PSPC1: variants seen among roughly 807,000 people sequenced by gnomAD.
The protein encoded by PSPC1 is paraspeckle protein 1.
In PSPC1, 14 loss-of-function variants were observed where a neutral mutation model predicts 51.6. The observed-to-expected ratio is 0.27, with a 90% CI of 0.18 to 0.42. PSPC1 has a LOEUF of 0.42. PSPC1 is among the 10% of genes least tolerant of loss of function. The pLI, the probability that PSPC1 is intolerant of heterozygous loss-of-function variation, is 1.00. For synonymous variants in PSPC1, 193 were observed against 231.9 expected (o/e 0.83, Z 1.53); for missense variants, 406 against 701.1 (o/e 0.58, Z 4.75).
chr13:19,723,403 C>T (rs948639184), intron 6 of PSPC1, among the ~76,000 whole-genome samples: 2 of 152,110 alleles, frequency 1.3e-5, no homozygotes, highest in African/African-American at 4.8e-5. Flanking sequence ...AATGATAAAA[C>T]ACAGAAAACC....
chr13:19,775,918 G>C (rs946158899), intron 1 of PSPC1, among the ~76,000 whole-genome samples: 2 of 152,160 alleles, frequency 1.3e-5, no homozygotes, highest in Non-Finnish European at 2.9e-5. Flanking sequence ...GGACGTGGCA[G>C]TGTGCGCCTG....
At chr13:19,683,510 T>C (rs1225891126) in intron 6 of PSPC1, among the ~76,000 whole-genome samples, 1 of 152,198 alleles carries the variant, frequency 6.6e-6, no homozygotes, top group Non-Finnish European at 1.5e-5. Flanking sequence ...TGACGCAGGA[T>C]GGACTGACTA....
At chr13:19,703,619 C>T (rs1328509759) in intron 8 of PSPC1, among the ~76,000 whole-genome samples, 3 of 151,986 alleles carry the variant, frequency 2.0e-5, no homozygotes, top group South Asian at 2.1e-4. Flanking sequence ...GAACTGATTT[C>T]GTGACAGAAG....
At chr13:19,682,486 CAAAAA>C (rs138769031) in intron 6 of PSPC1, among the ~76,000 whole-genome samples, 28 of 98,606 alleles carry the variant, frequency 2.8e-4, no homozygotes, top group South Asian at 6.4e-4. Flanking sequence ...GGCTGAATGG[CAAAAA>C]AAAAAAAAAA....
chr13:19,749,379 G>C (rs1213383284), intron 4 of PSPC1, among the ~76,000 whole-genome samples: 1 of 151,564 alleles, frequency 6.6e-6, no homozygotes, highest in Non-Finnish European at 1.5e-5. Context: ...AATTAGCTGG[G>C]CGTGGTAGCA....
chr13:19,699,265 T>C (rs914993350), downstream of PSPC1: 2 of 151,874 alleles, frequency 1.3e-5, no homozygotes, highest in African/African-American at 4.8e-5. Flanking sequence ...ATCTCAGCTT[T>C]TGGTATTTAA....
chr13:19,750,315 C>T (rs1886403051), intron 4 of PSPC1, among the ~76,000 whole-genome samples: 1 of 151,856 alleles, frequency 6.6e-6, no homozygotes, highest in Admixed American at 6.6e-5. Flanking sequence ...GCCTGTAATC[C>T]CAGCTACTCG....
intron 4 of PSPC1, among the ~76,000 whole-genome samples, chr13:19,742,632 G>A (rs1339465367): frequency 2.0e-5 from 3 of 152,056 alleles, no homozygotes; most frequent in Non-Finnish European, 2.9e-5. Flanking sequence ...CCAGCTACTC[G>A]GGAGATTGAG....
intron 6 of PSPC1, among the ~76,000 whole-genome samples, chr13:19,679,618 G>A (rs999597799): frequency 6.6e-6 from 1 of 152,130 alleles, no homozygotes; most frequent in Non-Finnish European, 1.5e-5. Context: ...CATTTACACT[G>A]TATGAGGTAT....
At chr13:19,721,499 T>A (rs879850418) in intron 6 of PSPC1, among the ~76,000 whole-genome samples, 3 of 152,124 alleles carry the variant, frequency 2.0e-5, no homozygotes, top group Non-Finnish European at 2.9e-5. Context: ...ACAGCAGGAA[T>A]AATAAACAAA....
At chr13:19,680,375 T>TTC (rs1478346111) in intron 6 of PSPC1, among the ~76,000 whole-genome samples, 6 of 152,106 alleles carry the variant, frequency 3.9e-5, no homozygotes, top group African/African-American at 1.5e-4. Context: ...ATTTGAAAAA[T>TTC]TACTAGAGTT....
intron 1 of PSPC1, among the ~76,000 whole-genome samples, chr13:19,778,973 T>G (rs1262498001): frequency 2.8e-5 from 4 of 142,034 alleles, no homozygotes; most frequent in African/African-American, 1.0e-4. Context: ...GAGGAGCGTC[T>G]CTGCCCGGCC....
intron 1 of PSPC1, among the ~76,000 whole-genome samples, chr13:19,775,983 G>A (rs1244670898): frequency 2.6e-5 from 4 of 151,972 alleles, no homozygotes; most frequent in African/African-American, 7.3e-5. Flanking sequence ...CACGGGAGGC[G>A]GAACTTGCAG....
At chr13:19,671,259 C>T (rs150697463), downstream of PSPC1, 290 of 1,614,026 alleles carry the variant, frequency 1.8e-4, 1 homozygote, top group Non-Finnish European at 1.8e-4. Context: ...ATAAACTCTT[C>T]ATAAGGTTGA....
At chr13:19,748,159 C>T (rs1392771896) in intron 4 of PSPC1, among the ~76,000 whole-genome samples, 1 of 150,514 alleles carries the variant, frequency 6.6e-6, no homozygotes, top group Non-Finnish European at 1.5e-5. Context: ...GGTAGGTCTA[C>T]AATGAGCTGA....
intron 4 of PSPC1, among the ~76,000 whole-genome samples, chr13:19,743,689 G>A (rs960921053): frequency 6.6e-6 from 1 of 152,090 alleles, no homozygotes. Flanking sequence ...ACAGGGCCCA[G>A]GTAGTTCTCA....
At chr13:19,778,991 G>A (rs1164123900) in intron 1 of PSPC1, among the ~76,000 whole-genome samples, 12 of 136,638 alleles carry the variant, frequency 8.8e-5, no homozygotes, top group Non-Finnish European at 1.4e-4. Context: ...GCCGCCCATC[G>A]TCTGAGATGT....
At chr13:19,713,414 A>T (rs545377354) in intron 6 of PSPC1, among the ~76,000 whole-genome samples, 215 of 152,206 alleles carry the variant, frequency 1.4e-3, no homozygotes, top group Non-Finnish European at 2.7e-3. Context: ...AACTTAGTCA[A>T]GGTCATATGG....
chr13:19,782,592 G>A lies in PSPC1; in HGVS notation c.166C>T (p.His56Tyr), dbSNP rs2138423367. ...APPAPAPPEDHPDEEMGFTID... is the reference protein window; with the variant it reads ...APPAPAPPEDYPDEEMGFTID... ...GTGAACCCCATCTCCTCGTCCGGGT[G>A]GTCCTCTGGAGGCGCGGGCGCGGGC... Residue 56 changes from histidine (H) to tyrosine (Y), a missense_variant, in exon 1 of 9, where the codon CAC (histidine) becomes TAC (tyrosine). His to Tyr is a moderately conservative substitution (Grantham distance 83). This residue lies in a region of PSPC1 where 128 missense variants were observed against 107.1 expected (regional missense o/e 1.20). Transcript: ENST00000338910. The surrounding 1 kb of genome is among the most constrained non-coding windows in gnomAD (Gnocchi z 4.5). 2 of 1,594,114 alleles carry A rather than the reference G, an allele frequency of 1.3e-6. No homozygotes were observed. Among genetic ancestry groups the A allele is most frequent in the African/African-American group, 2.8e-5 (2 of 72,518 alleles).
Sources: allele counts gnomAD v4.1 joint callset (sites outside exome capture counted in the v4.1 genomes callset), GRCh38; gene constraint gnomAD v4.1.1; regional missense constraint gnomAD v4.1.1; non-coding constraint Gnocchi (gnomAD v3.1); transcripts MANE v1.5; gene names NCBI Gene and HGNC (gene_info 2026-07-23, HGNC 2026-07-21).